RFC3: variants seen among roughly 807,000 people sequenced by gnomAD.
RFC3 encodes A1 38 kDa subunit.
A neutral mutation model predicts 45.1 loss-of-function variants in RFC3; 41 were observed. The ratio of observed to expected loss-of-function variants is 0.91; its 90% confidence interval spans 0.71 to 1.18. The LOEUF is 1.18. Ranked by LOEUF, RFC3 falls within the 50% of genes most tolerant of loss-of-function variation. RFC3 has a pLI of 0.00. For missense variants in RFC3, 423 were observed against 428.1 expected, an observed-to-expected ratio of 0.99 and a Z score of 0.10; for synonymous variants, 149 against 144.0, an observed-to-expected ratio of 1.03 and a Z score of -0.25.
intron 8 of RFC3, among the ~76,000 whole-genome samples, chr13:33,888,894 C>A (rs138107381): frequency 6.6e-6 from 1 of 151,924 alleles, no homozygotes; most frequent in Non-Finnish European, 1.5e-5. Flanking sequence ...TACAGGCGCC[C>A]GCCACCATGC....
At chr13:33,966,115 A>G (rs2083086431) in exon 9 of RFC3, 1 of 1,610,982 alleles carries the variant, frequency 6.2e-7, no homozygotes, top group African/African-American at 1.3e-5. Flanking sequence ...AGAAGCTGTG[A>G]CATATTCTGA....
intron 8 of RFC3, among the ~76,000 whole-genome samples, chr13:33,861,092 C>T (rs1407227556): frequency 6.6e-6 from 1 of 151,920 alleles, no homozygotes; most frequent in Non-Finnish European, 1.5e-5. Context: ...GATTACATAA[C>T]ATTTTAAAAT....
chr13:33,853,417 G>C (rs2082289376), intron 8 of RFC3, among the ~76,000 whole-genome samples: 2 of 152,136 alleles, frequency 1.3e-5, no homozygotes, highest in African/African-American at 4.8e-5. Context: ...GACATTATTA[G>C]AAACCCAAAC....
chr13:33,874,361 A>G (rs1333657579), intron 8 of RFC3, among the ~76,000 whole-genome samples: 1 of 152,194 alleles, frequency 6.6e-6, no homozygotes, highest in East Asian at 1.9e-4. Context: ...TCTGTTATCC[A>G]GGCTGGAGTG....
At chr13:33,831,406 G>A in intron 7 of RFC3, 52 bp downstream of exon 7, 1 of 931,394 alleles carries the variant, frequency 1.1e-6, no homozygotes. Context: ...GATATCATAG[G>A]ACACATATTA....
intron 8 of RFC3, among the ~76,000 whole-genome samples, chr13:33,902,325 G>A (rs1166626187): frequency 6.6e-6 from 1 of 152,088 alleles, no homozygotes; most frequent in Non-Finnish European, 1.5e-5. Flanking sequence ...AAGGCAGGAT[G>A]AATGTAGGTG....
At chr13:33,947,192 C>G (rs1425434921) in intron 8 of RFC3, among the ~76,000 whole-genome samples, 1 of 152,086 alleles carries the variant, frequency 6.6e-6, no homozygotes, top group African/African-American at 2.4e-5. Flanking sequence ...AAGGGTAGGA[C>G]CAGGTGGAGG....
chr13:33,921,025 A>G (rs1481474472), intron 8 of RFC3, among the ~76,000 whole-genome samples: 1 of 152,256 alleles, frequency 6.6e-6, no homozygotes, highest in East Asian at 1.9e-4. Context: ...TTCATCCCCC[A>G]TAGATTAAAC....
intron 2 of RFC3, among the ~76,000 whole-genome samples, chr13:33,822,559 G>T (rs1442911209): frequency 6.6e-6 from 1 of 152,120 alleles, no homozygotes; most frequent in African/African-American, 2.4e-5. Context: ...TAGAGAATTA[G>T]ACAAGTGAAA....
chr13:33,947,722 G>C (rs1317595937), intron 8 of RFC3, among the ~76,000 whole-genome samples: 2 of 152,216 alleles, frequency 1.3e-5, no homozygotes, highest in East Asian at 3.9e-4. Context: ...GGACAATGAA[G>C]TCCAGGCTGA....
intron 8 of RFC3, among the ~76,000 whole-genome samples, chr13:33,883,675 T>C (rs1365974687): frequency 6.6e-6 from 1 of 152,220 alleles, no homozygotes; most frequent in Non-Finnish European, 1.5e-5. Context: ...CTCTGTATTA[T>C]TTTTTAACAG....
rs924574040 is a variant in RFC3, at chr13:33,893,971, A to C, written c.879+58754A>C. 1.8e-4 allele frequency among the ~76,000 whole-genome samples: 27 copies of C among 152,282 alleles called. 1 individual carries two copies. The highest frequency in any genetic ancestry group is 1.1e-3 in the Admixed American group (17 of 15,296). On this transcript the variant is annotated intron_variant, in intron 8 of 8. Transcript: ENST00000434425. The stretch of plus-strand genomic sequence containing the variant: ...AAAGGTTATTGAAAGGAAAAAAACA[A>C]ACAAACAAACAAAAAACCCCAACTT...
rs1266288238 is a variant in RFC3, at chr13:33,867,737, G to A, written c.879+32520G>A. 2.6e-5 allele frequency among the ~76,000 whole-genome samples: 4 copies of A among 152,150 alleles called. No homozygotes were observed. The East Asian group carries it at 5.8e-4, about 22-fold the overall frequency. On this transcript the variant is annotated intron_variant, in intron 8 of 8. Transcript: ENST00000434425. ...ACCCATGAGCTAAAGACCCCACACC[G>A]GTTACTATGTTGGCTGAAGATGAAA... is the stretch of plus-strand genomic sequence containing the variant.
intron 8 of RFC3, among the ~76,000 whole-genome samples, chr13:33,919,029 T>G (rs772491214): frequency 1.5e-4 from 14 of 94,684 alleles, no homozygotes; most frequent in Non-Finnish European, 6.5e-5. Context: ...ACAAAGACCT[T>G]GTCCGTTCTT....
At chr13:33,873,089 C>T (rs1213400499) in intron 8 of RFC3, among the ~76,000 whole-genome samples, 4 of 152,112 alleles carry the variant, frequency 2.6e-5, no homozygotes, top group Admixed American at 2.6e-4. Context: ...GAGAATGTTT[C>T]AAATATTAGC....
chr13:33,825,262 C>G (rs528040462), intron 3 of RFC3, among the ~76,000 whole-genome samples: 1 of 152,170 alleles, frequency 6.6e-6, no homozygotes, highest in South Asian at 2.1e-4. Context: ...GACTTTGTGT[C>G]TTAAACTCAA....
intron 8 of RFC3, among the ~76,000 whole-genome samples, chr13:33,873,250 C>T (rs373278368): frequency 3.9e-5 from 6 of 152,182 alleles, no homozygotes; most frequent in African/African-American, 7.2e-5. Flanking sequence ...AATGTTCGAG[C>T]AACCCTCATG....
downstream of RFC3, among the ~76,000 whole-genome samples, chr13:33,841,586 A>G (rs1333884947): frequency 6.6e-6 from 1 of 152,214 alleles, no homozygotes; most frequent in East Asian, 1.9e-4. Context: ...AGTTGACTTT[A>G]TGTTATTGGT....
At chr13:33,860,734 C>T (rs1158609934) in intron 8 of RFC3, among the ~76,000 whole-genome samples, 2 of 152,164 alleles carry the variant, frequency 1.3e-5, no homozygotes, top group East Asian at 1.9e-4. Flanking sequence ...CATGATTTTC[C>T]TCCAATCAGG....
Sources: allele counts gnomAD v4.1 joint callset (sites outside exome capture counted in the v4.1 genomes callset), GRCh38; gene constraint gnomAD v4.1.1; transcripts MANE v1.5; gene names NCBI Gene and HGNC (gene_info 2026-07-23, HGNC 2026-07-21).